The following CACNA1S variants were observed in gnomAD, a reference collection of about 807,000 sequenced individuals.
CACNA1S encodes calcium voltage-gated channel subunit alpha1 S.
A neutral mutation model predicts 207.4 loss-of-function variants in CACNA1S; 126 were observed. The ratio of observed to expected loss-of-function variants is 0.61; its 90% confidence interval spans 0.53 to 0.70. CACNA1S has a LOEUF of 0.70. CACNA1S is among the 30% of genes least tolerant of loss of function. The pLI is 0.00. For missense variants in CACNA1S, 2,349 were observed against 2,422.8 expected, an observed-to-expected ratio of 0.97 and a Z score of 0.64; for synonymous variants, 960 against 932.7, an observed-to-expected ratio of 1.03 and a Z score of -0.53.
Position 201,066,797 on chromosome 1 carries a change from C to T in CACNA1S, c.2657+90G>A, listed in dbSNP as rs879001076. On this transcript the variant is annotated intron_variant, in intron 20 of 43. Transcript: ENST00000362061. This position sits in a 1 kb window ranked among gnomAD's most constrained non-coding sequence, Gnocchi z 4.3. ...AGAGACCCTCCTCTTGTGGCAGGGG[C>T]CCACCAACATGGGTGGGACTCCCAC... 4 of 916,648 alleles carry T rather than the reference C, an allele frequency of 4.4e-6. No homozygotes were observed. Among genetic ancestry groups the T allele is most frequent in the East Asian group, 2.6e-5 (1 of 38,040 alleles). 56.8% of individuals were successfully genotyped at this position (916,648 alleles called of 1,614,324 possible). A position where few individuals can be genotyped will look rare whatever the true frequency, so the allele number is the denominator to read the frequency against.
At chr1:201,043,574 G>A (rs746160006) in intron 39 of CACNA1S, 43 bp from the exon 40 acceptor site, 3 of 1,593,228 alleles carry the variant, frequency 1.9e-6, no homozygotes, top group South Asian at 1.1e-5. Context: ...TGAGGGCAGG[G>A]AGGGCATGGG....
At chr1:201,061,824 G>T in intron 24 of CACNA1S, 120 bp downstream of exon 24, 1 of 1,135,284 alleles carries the variant, frequency 8.8e-7, no homozygotes, top group Non-Finnish European at 1.3e-6. Flanking sequence ...AGAGTTGGTG[G>T]GTTTGTTGGA....
At position 201,072,943 on chromosome 1, in the gene CACNA1S, G is replaced by A; in HGVS notation, c.2158-119C>T. 4.9e-6 allele frequency: 4 copies of A among 817,992 alleles called. No individual in the cohort carries two copies. The South Asian group carries it at 5.4e-5, about 11-fold the overall frequency. The allele number at this position is 817,992 out of a possible 1,614,324, so 50.7% of individuals were successfully genotyped here. A position where few individuals can be genotyped will look rare whatever the true frequency, so the allele number is the denominator to read the frequency against. ...CACTTAATCATCCCTACAGCCTAAG[G>A]AACAGGGAATATTATGATCATCCCC... On this transcript the variant is annotated intron_variant, in intron 15 of 43. Transcript: ENST00000362061.
intron 2 of CACNA1S, among the ~76,000 whole-genome samples, chr1:201,102,689 A>G (rs995267574): frequency 6.6e-6 from 1 of 152,248 alleles, no homozygotes; most frequent in Non-Finnish European, 1.5e-5. Flanking sequence ...GCCAAAGCAC[A>G]GAGGGATTAA....
In CACNA1S at chr1:201,069,213, G is replaced by A; in HGVS notation, c.2491-17C>T. The A allele has an allele frequency of 6.2e-7, 1 of 1,613,072 alleles. No homozygotes were observed. The highest frequency in any genetic ancestry group is 8.5e-7 in the Non-Finnish European group (1 of 1,179,050). On this transcript the variant is annotated splice_polypyrimidine_tract_variant and intron_variant, in intron 18 of 43. Coordinates refer to ENST00000362061, the MANE Select transcript of CACNA1S (RefSeq NM_000069.3). Reference sequence around the variant, plus strand: ...TTTAAGGATCTGGGGACAGGGCAGGGGCGGGAGCAGCCAGTGAGAGGAGGA... The same window carrying A: ...TTTAAGGATCTGGGGACAGGGCAGGAGCGGGAGCAGCCAGTGAGAGGAGGA...
At chr1:201,074,377 G>T (rs935233884) in intron 14 of CACNA1S, 129 bp downstream of exon 14, 1 of 707,812 alleles carries the variant, frequency 1.4e-6, no homozygotes, top group Non-Finnish European at 2.6e-6. Flanking sequence ...ACAGAAGTTT[G>T]CCCACTGAGG....
chr1:201,063,967 A>G (rs1661154367), intron 22 of CACNA1S, among the ~76,000 whole-genome samples: 1 of 152,208 alleles, frequency 6.6e-6, no homozygotes, highest in Non-Finnish European at 1.5e-5. Context: ...GCGACATCAA[A>G]TGCCAACTGG....
chr1:201,057,921 G>T (rs577260593), intron 28 of CACNA1S, among the ~76,000 whole-genome samples: 1 of 152,326 alleles, frequency 6.6e-6, no homozygotes, highest in African/African-American at 2.4e-5. Context: ...TCACCGCTTA[G>T]CTCTCCAGCC....
At chr1:201,057,849 T>C (rs1250345381) in intron 28 of CACNA1S, among the ~76,000 whole-genome samples, 1 of 152,218 alleles carries the variant, frequency 6.6e-6, no homozygotes, top group African/African-American at 2.4e-5. Flanking sequence ...ATCCTCCCAC[T>C]GCCCTGTTTA....
chr1:201,066,922 C>A lies in CACNA1S; in HGVS notation c.2622G>T (p.Leu874=), dbSNP rs1572040066. The change falls in exon 20 of 44, where the codon CTG becomes CTT. Residue 874 remains leucine (L), a synonymous_variant. Coordinates refer to ENST00000362061, the MANE Select transcript of CACNA1S (RefSeq NM_000069.3). This position sits in a 1 kb window ranked among gnomAD's most constrained non-coding sequence, Gnocchi z 4.3. Reference sequence around the variant, plus strand: ...TGGAGATGAGGGACACGGCCACCACCAGCAGGTCCAGCATGTTGAAGTAAT... The same window carrying A: ...TGGAGATGAGGGACACGGCCACCACAAGCAGGTCCAGCATGTTGAAGTAAT... ...CRNYFNMLDL[L]VVAVSLISMG... is the part of the protein sequence containing the mutation. 6.2e-7 allele frequency: 1 copy of A among 1,614,196 alleles called. No homozygotes were observed. The highest frequency in any genetic ancestry group is 8.5e-7 in the Non-Finnish European group (1 of 1,180,004).
chr1:201,081,105 A>C (rs942704), intron 10 of CACNA1S, among the ~76,000 whole-genome samples: 128,503 of 152,132 alleles, frequency 0.84, 54,717 homozygotes, highest in East Asian at 1. Flanking sequence ...ATGGGGGCAG[A>C]CTTTCCAGGG....
At position 201,085,494 on chromosome 1, in the gene CACNA1S, C is replaced by G. The variant is rs763965450; in HGVS notation, c.1092G>C (p.Arg364=). ...REKQQLDEDL[R]GYMSWITQGE... ...CCTGCGTGATCCAGCTCATGTAGCCCCGAAGGTCCTCATCTAGTTGCTGCT... is the reference window on the plus strand; with the variant it reads ...CCTGCGTGATCCAGCTCATGTAGCCGCGAAGGTCCTCATCTAGTTGCTGCT... The change falls in exon 8 of 44, where the codon CGG becomes CGC. Residue 364 remains arginine, a synonymous_variant. Coordinates refer to ENST00000362061, the MANE Select transcript of CACNA1S (RefSeq NM_000069.3). 2.3e-5 allele frequency: 37 copies of G among 1,613,176 alleles called. No individual in the cohort carries two copies. Among genetic ancestry groups the G allele is most frequent in the Non-Finnish European group, 3.0e-5 (35 of 1,179,898 alleles).
intron 19 of CACNA1S, 88 bp from the exon 20 acceptor site, chr1:201,067,081 G>T: frequency 2.4e-6 from 2 of 847,456 alleles, no homozygotes; most frequent in Non-Finnish European, 2.0e-6. Flanking sequence ...CTCTGCTCAG[G>T]AGAGCACTTA....
At chr1:201,056,040 A>AAC (rs367570154) in intron 28 of CACNA1S, among the ~76,000 whole-genome samples, 11 of 145,466 alleles carry the variant, frequency 7.6e-5, no homozygotes, top group Non-Finnish European at 1.0e-4. Flanking sequence ...GGAAATACAC[A>AAC]ACACACACAC....
intron 17 of CACNA1S, 77 bp from the exon 18 acceptor site, chr1:201,069,678 G>T: frequency 6.6e-7 from 1 of 1,511,434 alleles, no homozygotes; most frequent in Non-Finnish European, 9.0e-7. Flanking sequence ...CCATCCTGCG[G>T]ACGAACATGG....
chr1:201,099,389 G>A (rs559068219), intron 2 of CACNA1S, among the ~76,000 whole-genome samples: 4 of 152,298 alleles, frequency 2.6e-5, no homozygotes, highest in South Asian at 4.1e-4. Context: ...GGCTGGCAGA[G>A]GCAGCAAAGT....
At chr1:201,042,447 A>G (rs907062813) in intron 40 of CACNA1S, among the ~76,000 whole-genome samples, 1 of 152,150 alleles carries the variant, frequency 6.6e-6, no homozygotes, top group African/African-American at 2.4e-5. Flanking sequence ...CTCTGTGATT[A>G]TTTGGTCCCA....
intron 7 of CACNA1S, among the ~76,000 whole-genome samples, chr1:201,087,601 C>G (rs921557603): frequency 6.6e-6 from 1 of 151,972 alleles, no homozygotes; most frequent in African/African-American, 2.4e-5. Context: ...AGGAAGGAAG[C>G]GCTCTTGGCC....
In CACNA1S at chr1:201,060,644, T is replaced by C. The variant is rs1661011608; in HGVS notation, c.3414+14A>G. 2 of 1,614,138 alleles carry C rather than the reference T, an allele frequency of 1.2e-6. No homozygotes were observed. The highest frequency in any genetic ancestry group is 1.7e-6 in the Non-Finnish European group (2 of 1,180,010). On this transcript the variant is annotated intron_variant, in intron 26 of 43. Transcript: ENST00000362061. ...CCAGTCTGATCAGACATTTTTCTCCTGGGGAGCCCTTACCTGCATGCCGAG... is the reference window on the plus strand; with the variant it reads ...CCAGTCTGATCAGACATTTTTCTCCCGGGGAGCCCTTACCTGCATGCCGAG...
Sources: allele counts gnomAD v4.1 joint callset (sites outside exome capture counted in the v4.1 genomes callset), GRCh38; gene constraint gnomAD v4.1.1; non-coding constraint Gnocchi (gnomAD v3.1); transcripts MANE v1.5; gene names NCBI Gene and HGNC (gene_info 2026-07-23, HGNC 2026-07-21).